Variants in PLEKHA2 observed in about 807,000 individuals in gnomAD.
The protein encoded by PLEKHA2 is pleckstrin homology domain-containing family A member 2.
A neutral mutation model predicts 53.2 loss-of-function variants in PLEKHA2; 28 were observed. The ratio of observed to expected loss-of-function variants is 0.53; its 90% CI spans 0.39 to 0.72. PLEKHA2 has a LOEUF of 0.72. Ranked by LOEUF, PLEKHA2 falls within the 30% of genes least tolerant of loss-of-function variation. PLEKHA2 has a pLI of 0.00. For missense variants in PLEKHA2, 426 were observed against 537.9 expected, an observed-to-expected ratio of 0.79 and a Z score of 2.06; for synonymous variants, 193 against 196.4, an observed-to-expected ratio of 0.98 and a Z score of 0.14.
chr8:38,922,202 A>C lies in PLEKHA2; in HGVS notation c.141+4132A>C, dbSNP rs1834206845. 6.6e-6 allele frequency among the ~76,000 whole-genome samples: 1 copy of C among 152,202 alleles called. No homozygotes were observed. ...CGTCTAAGGGTGACTTGGAGGATGA[A>C]GAGCCTGCAAAGGTAGTTTCTGGTT... is the stretch of plus-strand genomic sequence containing the variant. On this transcript the variant is annotated intron_variant, in intron 2 of 11. Transcript: ENST00000617275. The surrounding 1 kb of genome is among the most constrained non-coding windows in gnomAD (Gnocchi z 4.0).
At chr8:38,958,669 G>A (rs1834986313) in intron 10 of PLEKHA2, among the ~76,000 whole-genome samples, 1 of 152,206 alleles carries the variant, frequency 6.6e-6, no homozygotes, top group Non-Finnish European at 1.5e-5. Flanking sequence ...GCTGCCATGG[G>A]CATCGGAGCT....
intron 4 of PLEKHA2, among the ~76,000 whole-genome samples, chr8:38,945,378 A>G (rs1034388066): frequency 2.6e-5 from 4 of 152,300 alleles, no homozygotes; most frequent in East Asian, 1.9e-4. Context: ...CATCTACCCC[A>G]TGAGACTCAC....
chr8:38,902,926 C>CTA (rs1833814293), intron 1 of PLEKHA2, among the ~76,000 whole-genome samples: 1 of 152,210 alleles, frequency 6.6e-6, no homozygotes, highest in South Asian at 2.1e-4. Flanking sequence ...TCATCTCAGA[C>CTA]ATTAGCCCTC....
rs1008580778 is a variant in PLEKHA2, at chr8:38,952,086, G to T, written c.487-80G>T. On this transcript the variant is annotated intron_variant, in intron 6 of 11. Transcript: ENST00000617275. The stretch of plus-strand genomic sequence containing the variant: ...TTTGACTTAGGGCAAAGAGGCCAGA[G>T]ATTCAGGCAGAGGGAGGTAGGTGGG... 8.7e-6 allele frequency: 13 copies of T among 1,489,718 alleles called. No individual in the cohort carries two copies. The African/African-American group carries it at 1.8e-4, about 21-fold the overall frequency. 92.3% of individuals were successfully genotyped at this position (1,489,718 alleles called of 1,614,324 possible). A position where few individuals can be genotyped will look rare whatever the true frequency, so the allele number is the denominator to read the frequency against.
intron 1 of PLEKHA2, among the ~76,000 whole-genome samples, chr8:38,903,675 C>T (rs534300949): frequency 6.6e-6 from 1 of 152,330 alleles, no homozygotes; most frequent in African/African-American, 2.4e-5. Flanking sequence ...CAGCGTTGGT[C>T]TCCTGTCCAA....
At chr8:38,960,377 G>T (rs1306078523) in intron 10 of PLEKHA2, among the ~76,000 whole-genome samples, 1 of 152,182 alleles carries the variant, frequency 6.6e-6, no homozygotes, top group Non-Finnish European at 1.5e-5. Flanking sequence ...TACTTGGGAG[G>T]CTGAGGCAGG....
rs1333770348 is a variant in PLEKHA2 at position 38,967,336 on chromosome 8, TATA to T, written c.838-1253_838-1251del. The stretch of plus-strand genomic sequence containing the variant: ...TTAGGTTTGGGGGCACATGTGAAGA[TATA>T]ATGATTTCTTTTCCTTTGGAGAGAC... On this transcript the variant is annotated intron_variant, in intron 10 of 11. Transcript: ENST00000617275. 2.0e-5 allele frequency among the ~76,000 whole-genome samples: 3 copies of T among 152,232 alleles called. No individual in the cohort carries two copies. In the South Asian group the frequency reaches 6.2e-4, roughly 32 times the overall value.
At chr8:38,904,753 A>G (rs1833844632) in intron 1 of PLEKHA2, among the ~76,000 whole-genome samples, 1 of 152,164 alleles carries the variant, frequency 6.6e-6, no homozygotes, top group South Asian at 2.1e-4. Flanking sequence ...CAGCTTTTTC[A>G]TTGACATTTG....
chr8:38,940,323 T>G (rs1384011555), intron 3 of PLEKHA2, among the ~76,000 whole-genome samples: 1 of 151,852 alleles, frequency 6.6e-6, no homozygotes, highest in Non-Finnish European at 1.5e-5. Context: ...CGCTTGAACC[T>G]GGGGGGCGGA....
At chr8:38,915,956 C>T (rs1033753973) in intron 1 of PLEKHA2, among the ~76,000 whole-genome samples, 4 of 152,070 alleles carry the variant, frequency 2.6e-5, no homozygotes, top group Non-Finnish European at 2.9e-5. Context: ...TTATCCTTTG[C>T]GTTACAGACT....
intron 8 of PLEKHA2, 108 bp from the exon 9 acceptor site, chr8:38,953,189 A>G (rs7824764): frequency 0.16 from 139,553 of 897,540 alleles, 11,452 homozygotes; most frequent in African/African-American, 0.24. Flanking sequence ...TTATTTGTCA[A>G]CCTGATTTTA....
intron 2 of PLEKHA2, among the ~76,000 whole-genome samples, chr8:38,928,700 A>G (rs1834333066): frequency 6.6e-6 from 1 of 152,214 alleles, no homozygotes; most frequent in Non-Finnish European, 1.5e-5. Flanking sequence ...CAAGTAATAG[A>G]ATAAAAACAT....
intron 1 of PLEKHA2, 99 bp from the exon 2 acceptor site, chr8:38,917,808 G>A: frequency 7.3e-7 from 1 of 1,365,586 alleles, no homozygotes; most frequent in Non-Finnish European, 1.0e-6. Context: ...GAAGGAAGCT[G>A]GTGAGAGTCT....
At chr8:38,928,253 T>TC (rs1350049309) in intron 2 of PLEKHA2, among the ~76,000 whole-genome samples, 1 of 148,064 alleles carries the variant, frequency 6.8e-6, no homozygotes, top group Non-Finnish European at 1.5e-5. Flanking sequence ...TTTTTTTTTT[T>TC]TTTCTTTTTG....
chr8:38,912,097 T>C (rs2152365037), intron 1 of PLEKHA2, among the ~76,000 whole-genome samples: 1 of 152,270 alleles, frequency 6.6e-6, no homozygotes, highest in South Asian at 2.1e-4. Flanking sequence ...GGTCAGGAGT[T>C]TGAGACCAGC....
At chr8:38,951,609 C>T (rs1484626670) in intron 6 of PLEKHA2, among the ~76,000 whole-genome samples, 1 of 151,508 alleles carries the variant, frequency 6.6e-6, no homozygotes, top group East Asian at 2.0e-4. Context: ...TTCCTAGGCT[C>T]AAGTGATCCT....
chr8:38,950,186 C>T (rs1427189676), intron 5 of PLEKHA2, among the ~76,000 whole-genome samples: 2 of 152,062 alleles, frequency 1.3e-5, no homozygotes, highest in Non-Finnish European at 2.9e-5. Flanking sequence ...TGTGCTACCA[C>T]ACCTGGCTAA....
At chr8:38,934,628 C>G (rs2129418847) in intron 2 of PLEKHA2, among the ~76,000 whole-genome samples, 1 of 152,164 alleles carries the variant, frequency 6.6e-6, no homozygotes, top group Non-Finnish European at 1.5e-5. Context: ...CTTGGGTTTT[C>G]ACTGCTTCAT....
intron 4 of PLEKHA2, 68 bp downstream of exon 4, chr8:38,943,905 C>A: frequency 7.5e-7 from 1 of 1,339,688 alleles, no homozygotes; most frequent in South Asian, 1.3e-5. Context: ...TGCATGGAGA[C>A]AGTCCTGTGA....
Sources: gnomAD v4.1 joint callset for allele counts (sites outside exome capture counted in the v4.1 genomes callset) on GRCh38, gnomAD v4.1.1 for gene constraint, Gnocchi (gnomAD v3.1) non-coding constraint, MANE v1.5 for transcripts, NCBI Gene and HGNC (gene_info 2026-07-23, HGNC 2026-07-21) for gene names.